WASHC4: variants seen among roughly 807,000 people sequenced by gnomAD.
WASHC4 encodes the protein WASH complex subunit 7.
A neutral mutation model predicts 166.6 loss-of-function variants in WASHC4; 86 were observed. That is an observed-to-expected ratio of 0.52 (90% confidence interval 0.43 to 0.62). The LOEUF (loss-of-function observed/expected upper bound fraction) is 0.62. Among genes scored for constraint, WASHC4 ranks in the 20% least tolerant of loss-of-function variants. The pLI is 0.00. For missense variants in WASHC4, 1,262 were observed against 1,382.4 expected (o/e 0.91, Z 1.38); for synonymous variants, 446 against 451.6 (o/e 0.99, Z 0.16).
chr12:105,154,549 A>G (rs1884002801), intron 26 of WASHC4, among the ~76,000 whole-genome samples: 1 of 152,228 alleles, frequency 6.6e-6, no homozygotes, highest in Admixed American at 6.5e-5. Context: ...TCTTACCACA[A>G]CATTTATGAA....
chr12:105,135,784 T>G (rs1882264154), intron 14 of WASHC4, among the ~76,000 whole-genome samples: 1 of 152,192 alleles, frequency 6.6e-6, no homozygotes, highest in Admixed American at 6.5e-5. Context: ...ATACTTGATT[T>G]TGTGTTTTAT....
chr12:105,163,990 C>T (rs1884658163), intron 30 of WASHC4, 121 bp from the exon 31 acceptor site: 1 of 913,386 alleles, frequency 1.1e-6, no homozygotes, highest in Non-Finnish European at 1.7e-6. Flanking sequence ...TGAAACGGGA[C>T]AAACTTAAAA....
At chr12:105,120,122 A>G (rs1479196574) in intron 7 of WASHC4, among the ~76,000 whole-genome samples, 1 of 152,238 alleles carries the variant, frequency 6.6e-6, no homozygotes, top group Non-Finnish European at 1.5e-5. Flanking sequence ...ACCAGTTTGG[A>G]TAGGATAACA....
chr12:105,168,407 T>A lies in WASHC4; in HGVS notation c.*1476T>A, dbSNP rs1048962772. The A allele has an allele frequency of 1.3e-5, 2 of 152,240 alleles. No homozygotes were observed. Among genetic ancestry groups the A allele is most frequent in the African/African-American group, 4.8e-5 (2 of 41,288 alleles). The allele number at this position is 152,240 out of a possible 1,614,324, so 9.4% of individuals were successfully genotyped here. On this transcript the variant is annotated 3_prime_UTR_variant, in exon 33 of 33. Transcript: ENST00000332180. The stretch of plus-strand genomic sequence containing the variant: ...CTGTAGAAATGGCCCTAAAGCATGC[T>A]GCATAATTAATAATTTATATTTTCA...
chr12:105,148,495 C>T, intron 24 of WASHC4: 1 of 985,226 alleles, frequency 1.0e-6, no homozygotes, highest in African/African-American at 1.7e-5. Flanking sequence ...ATGTAGATTA[C>T]TGATGTCTGT....
At chr12:105,130,035 G>T (rs563387188) in intron 13 of WASHC4, among the ~76,000 whole-genome samples, 1 of 152,294 alleles carries the variant, frequency 6.6e-6, no homozygotes, top group Non-Finnish European at 1.5e-5. Flanking sequence ...ATTGTATGAG[G>T]TAGATACTTT....
At chr12:105,148,194 A>C (rs1883467877) in intron 24 of WASHC4, 1 of 985,230 alleles carries the variant, frequency 1.0e-6, no homozygotes, top group African/African-American at 1.7e-5. Flanking sequence ...ATATGATTGG[A>C]GCTCCATTAT....
In WASHC4 at chr12:105,146,441, T is replaced by C; in HGVS notation, c.2335-11T>C. The C allele has an allele frequency of 6.7e-7, 1 of 1,483,478 alleles. No individual in the cohort carries two copies. Among genetic ancestry groups the C allele is most frequent in the Non-Finnish European group, 9.4e-7 (1 of 1,061,640 alleles). The allele number at this position is 1,483,478 out of a possible 1,614,324, so 91.9% of individuals were successfully genotyped here. ...AATTATAATAAAACTTGTATGTGTA[T>C]TATGTTGTAGGGCCTTGATGTTTTA... On this transcript the variant is annotated splice_polypyrimidine_tract_variant and intron_variant, in intron 22 of 32. Transcript: ENST00000332180.
At chr12:105,166,183 T>G (rs1429800353) in intron 32 of WASHC4, among the ~76,000 whole-genome samples, 2 of 152,196 alleles carry the variant, frequency 1.3e-5, no homozygotes, top group African/African-American at 4.8e-5. Context: ...ATGTTATCAC[T>G]CACATCACTG....
At chr12:105,162,486 GTTCTT>G (rs1188873363) in intron 29 of WASHC4, among the ~76,000 whole-genome samples, 1 of 152,150 alleles carries the variant, frequency 6.6e-6, no homozygotes, top group Non-Finnish European at 1.5e-5. Flanking sequence ...ACAAGGCACT[GTTCTT>G]GGGCTAAGTA....
At position 105,162,423 on chromosome 12, in the gene WASHC4, A is replaced by G. The variant is rs181067231; in HGVS notation, c.3061-326A>G. On this transcript the variant is annotated intron_variant, in intron 29 of 32. Transcript: ENST00000332180. Reference sequence around the variant, plus strand: ...CTTTGGGTGAGATAATAAATCTCCCAAGCCTCGGTGTCCTTCTCTGTAAAA... The same window carrying G: ...CTTTGGGTGAGATAATAAATCTCCCGAGCCTCGGTGTCCTTCTCTGTAAAA... 5.9e-5 allele frequency among the ~76,000 whole-genome samples: 9 copies of G among 152,340 alleles called. No individual in the cohort carries two copies. In the East Asian group the frequency reaches 1.5e-3, roughly 26 times the overall value.
At chr12:105,142,943 TG>T (rs1162665265) in intron 19 of WASHC4, among the ~76,000 whole-genome samples, 183 bp from the exon 20 acceptor site, 158 of 152,144 alleles carry the variant, frequency 1.0e-3, no homozygotes, top group Admixed American at 2.0e-3. Flanking sequence ...TGATTTTTTT[TG>T]GGTATATTTA....
At chr12:105,127,539 C>T (rs1881399512) in intron 13 of WASHC4, among the ~76,000 whole-genome samples, 2 of 152,056 alleles carry the variant, frequency 1.3e-5, no homozygotes, top group African/African-American at 4.8e-5. Context: ...TAGTTTTTAT[C>T]ATCTGTGTTA....
At chr12:105,148,175 C>T (rs182173813) in intron 24 of WASHC4, 1 of 984,990 alleles carries the variant, frequency 1.0e-6, no homozygotes, top group Non-Finnish European at 1.2e-6. Flanking sequence ...GATTTTGAGC[C>T]AATGAGTGAT....
At chr12:105,164,368 T>A in intron 31 of WASHC4, 61 bp downstream of exon 31, 1 of 1,422,904 alleles carries the variant, frequency 7.0e-7, no homozygotes, top group Non-Finnish European at 9.9e-7. Flanking sequence ...CATGACTTCT[T>A]AATGTCTGAA....
intron 23 of WASHC4, 66 bp from the exon 24 acceptor site, chr12:105,146,976 A>G (rs1883347652): frequency 3.5e-6 from 3 of 867,324 alleles, no homozygotes; most frequent in Non-Finnish European, 4.0e-6. Flanking sequence ...TTTTCTTTGG[A>G]TACCTGTTTG....
chr12:105,149,699 A>G lies in WASHC4; in HGVS notation c.2599A>G (p.Ile867Val), dbSNP rs749260050. The change falls in exon 25 of 33, where the codon ATT becomes GTT. Residue 867 changes from isoleucine (I) to valine (V), a missense_variant. Coordinates refer to ENST00000332180, the MANE Select transcript of WASHC4 (RefSeq NM_015275.3). The part of the protein sequence containing the change: ...MYDEHIKSRL[I>V]KDIRFFREIK... ...TGATGAACACATCAAATCCAGATTG[A>G]TTAAAGATATTCGATTTTTCAGGGA... The G allele has an allele frequency of 6.3e-7, 1 of 1,583,100 alleles. No individual in the cohort carries two copies. Among genetic ancestry groups the G allele is most frequent in the South Asian group, 1.1e-5 (1 of 89,660 alleles).
intron 7 of WASHC4, among the ~76,000 whole-genome samples, chr12:105,120,077 AAAAAC>A (rs1363765831): frequency 3.9e-5 from 6 of 152,226 alleles, no homozygotes; most frequent in Admixed American, 3.9e-4. Context: ...CACAAAAAGG[AAAAAC>A]AAAACAAAAC....
chr12:105,121,893 A>G (rs1428074376), intron 9 of WASHC4, among the ~76,000 whole-genome samples: 1 of 152,108 alleles, frequency 6.6e-6, no homozygotes, highest in Admixed American at 6.5e-5. Context: ...TCATGTTCTG[A>G]GTACTTATTA....
Sources: allele counts gnomAD v4.1 joint callset (sites outside exome capture counted in the v4.1 genomes callset), GRCh38; gene constraint gnomAD v4.1.1; transcripts MANE v1.5; gene names NCBI Gene and HGNC (gene_info 2026-07-23, HGNC 2026-07-21).